The following WDR45B variants were observed in gnomAD, a reference collection of about 807,000 sequenced individuals.
WDR45B encodes WD repeat domain 45B.
A neutral mutation model predicts 44.6 loss-of-function variants in WDR45B; 20 were observed. That is an observed-to-expected ratio of 0.45 (90% CI 0.32 to 0.65). The LOEUF is 0.65. WDR45B is among the 30% of genes least tolerant of loss of function. The pLI is 0.05. For synonymous variants in WDR45B, 169 were observed against 164.9 expected (o/e 1.02, Z -0.19); for missense variants, 323 against 430.2 (o/e 0.75, Z 2.20).
intron 5 of WDR45B, among the ~76,000 whole-genome samples, chr17:82,624,544 G>C (rs1248770686): frequency 6.6e-6 from 1 of 151,964 alleles, no homozygotes; most frequent in African/African-American, 2.4e-5. Flanking sequence ...ACAGGCGTGA[G>C]CCACTGCGCC....
chr17:82,641,319 T>C lies in WDR45B; in HGVS notation c.142+2630A>G, dbSNP rs2143372134. ...AATTTACTGTAAACACTTCATTAAT[T>C]AGGAAGCAGTTGTTAATATGCTGTT... On this transcript the variant is annotated intron_variant, in intron 2 of 9. Transcript: ENST00000392325. 2.0e-5 allele frequency among the ~76,000 whole-genome samples: 3 copies of C among 152,312 alleles called. No individual in the cohort carries two copies. In the East Asian group the frequency reaches 5.8e-4, roughly 29 times the overall value.
At chr17:82,625,892 CT>C (rs888478184) in intron 4 of WDR45B, 129 of 249,284 alleles carry the variant, frequency 5.2e-4, no homozygotes, top group Middle Eastern at 1.6e-3. Flanking sequence ...ATTATTATTA[CT>C]TTTTTTTTAT....
chr17:82,644,168 C>T (rs2045949876), intron 1 of WDR45B, 145 bp from the exon 2 acceptor site: 1 of 757,554 alleles, frequency 1.3e-6, no homozygotes, highest in Non-Finnish European at 2.3e-6. Flanking sequence ...AACTCCTGTC[C>T]TTGTACAAAT....
Position 82,636,319 on chromosome 17 carries a change from C to T in WDR45B, c.143-5297G>A, listed in dbSNP as rs73355354. ...TCAGTCACAGGCACAGTTAGCTATG[C>T]GGTCTCTGGGTTTTAAAAATGGAAA... On this transcript the variant is annotated intron_variant, in intron 2 of 9. Coordinates refer to ENST00000392325, the MANE Select transcript of WDR45B (RefSeq NM_019613.4). Among the ~76,000 whole-genome samples the T allele has an allele frequency of 1.9e-3, 284 of 150,048 alleles. 4 individuals carry two copies. Among genetic ancestry groups the T allele is most frequent in the African/African-American group, 6.8e-3 (275 of 40,558 alleles).
Position 82,648,369 on chromosome 17 carries a change from C to T in WDR45B, c.-29G>A. The T allele has an allele frequency of 1.2e-6, 2 of 1,601,512 alleles. No homozygotes were observed. Among genetic ancestry groups the T allele is most frequent in the Non-Finnish European group, 1.7e-6 (2 of 1,175,890 alleles). ...GCCGCCGTGCTGGGTCGCCGCTCCT[C>T]AGCGCTGCATGCCTCTCGCTGGGGA... On this transcript the variant is annotated 5_prime_UTR_variant, in exon 1 of 10. It removes the in-frame stop codon of an upstream open reading frame in the 5' UTR. Coordinates refer to ENST00000392325, the MANE Select transcript of WDR45B (RefSeq NM_019613.4).
intron 2 of WDR45B, among the ~76,000 whole-genome samples, chr17:82,642,499 T>A (rs2045930484): frequency 6.6e-6 from 1 of 152,186 alleles, no homozygotes; most frequent in Non-Finnish European, 1.5e-5. Flanking sequence ...CTTCCCCAAG[T>A]TCTGGGAGCC....
At chr17:82,628,546 T>C (rs2045728012) in intron 3 of WDR45B, among the ~76,000 whole-genome samples, 1 of 151,410 alleles carries the variant, frequency 6.6e-6, no homozygotes, top group African/African-American at 2.4e-5. Context: ...AAGACCAGCC[T>C]GGGCAACATA....
chr17:82,632,583 G>A (rs1038382331), intron 2 of WDR45B, among the ~76,000 whole-genome samples: 4 of 152,118 alleles, frequency 2.6e-5, no homozygotes, highest in Non-Finnish European at 5.9e-5. Flanking sequence ...GCACACTGAT[G>A]AGAAACTCCC....
chr17:82,624,464 G>A (rs1019759273), intron 5 of WDR45B, among the ~76,000 whole-genome samples: 6 of 152,080 alleles, frequency 3.9e-5, no homozygotes, highest in Admixed American at 6.6e-5. Context: ...GTTTCACCAC[G>A]TTGACCAGGA....
chr17:82,618,151 A>C (rs1221279749), intron 7 of WDR45B, among the ~76,000 whole-genome samples: 3 of 152,148 alleles, frequency 2.0e-5, no homozygotes, highest in African/African-American at 7.2e-5. Flanking sequence ...GCTGGTCTCG[A>C]ACTCCTGACC....
At chr17:82,632,842 A>C (rs2045785140) in intron 2 of WDR45B, among the ~76,000 whole-genome samples, 1 of 152,146 alleles carries the variant, frequency 6.6e-6, no homozygotes, top group African/African-American at 2.4e-5. Context: ...ATCCTGGGCA[A>C]CATAAGGAAA....
In WDR45B at chr17:82,616,568, G is replaced by A. The variant is rs149971524; in HGVS notation, c.884C>T (p.Ser295Phe). ...TGTTCCAAAGGCACAAATGCACGGA[G>A]AGCCTGAGGGAACCTGAAACTTGGA... ...SFSKFQVPSGSPCICAFGTEP... is the reference protein window; with the variant it reads ...SFSKFQVPSGFPCICAFGTEP... The change falls in exon 9 of 10, where the codon TCT (serine) becomes TTT (phenylalanine). Residue 295 changes from serine to phenylalanine, a missense_variant. Ser to Phe is a radical substitution (Grantham distance 155). Coordinates refer to ENST00000392325, the MANE Select transcript of WDR45B (RefSeq NM_019613.4). 5.0e-6 allele frequency: 8 copies of A among 1,614,110 alleles called. No individual in the cohort carries two copies. Among genetic ancestry groups the A allele is most frequent in the Admixed American group, 1.7e-5 (1 of 60,014 alleles).
At chr17:82,633,312 A>T (rs986025465) in intron 2 of WDR45B, among the ~76,000 whole-genome samples, 5 of 152,222 alleles carry the variant, frequency 3.3e-5, no homozygotes, top group African/African-American at 1.2e-4. Flanking sequence ...AGTGCGTAAT[A>T]TCCAGAATAT....
chr17:82,636,984 G>C (rs1194111613), intron 2 of WDR45B, among the ~76,000 whole-genome samples: 1 of 151,976 alleles, frequency 6.6e-6, no homozygotes, highest in African/African-American at 2.4e-5. Context: ...CACAGAGATA[G>C]GGACTGCGTT....
intron 2 of WDR45B, among the ~76,000 whole-genome samples, chr17:82,643,053 G>A (rs1326540482): frequency 1.3e-5 from 2 of 152,198 alleles, no homozygotes; most frequent in African/African-American, 2.4e-5. Flanking sequence ...TGTGCGCGCA[G>A]GCATTAATCT....
intron 6 of WDR45B, among the ~76,000 whole-genome samples, chr17:82,620,821 C>G (rs1396666955): frequency 1.3e-5 from 2 of 152,102 alleles, no homozygotes; most frequent in South Asian, 2.1e-4. Context: ...TTCTTCTGAC[C>G]TCGCAAATCA....
At chr17:82,639,780 T>C (rs1598277573) in intron 2 of WDR45B, among the ~76,000 whole-genome samples, 1 of 134,108 alleles carries the variant, frequency 7.5e-6, no homozygotes, top group Non-Finnish European at 1.6e-5. Context: ...CTGGGCTGTG[T>C]GTGTGTGGGG....
intron 2 of WDR45B, among the ~76,000 whole-genome samples, chr17:82,634,177 C>G (rs1412513618): frequency 2.3e-5 from 2 of 86,472 alleles, no homozygotes; most frequent in Admixed American, 1.3e-4. Context: ...AAAAAAAAGG[C>G]TGATTTTTAT....
At chr17:82,640,004 A>G (rs1019410357) in intron 2 of WDR45B, among the ~76,000 whole-genome samples, 3 of 74,446 alleles carry the variant, frequency 4.0e-5, no homozygotes. Context: ...GTGTGTGTGG[A>G]AAGAACAAAC....
Sources: allele counts gnomAD v4.1 joint callset (sites outside exome capture counted in the v4.1 genomes callset), GRCh38; gene constraint gnomAD v4.1.1; transcripts MANE v1.5; gene names NCBI Gene and HGNC (gene_info 2026-07-23, HGNC 2026-07-21).